Variants in WNT7A observed in about 807,000 individuals in gnomAD.
The protein encoded by WNT7A is Wnt family member 7A, also known as protein Wnt-7a.
Under a neutral mutation model 28.2 loss-of-function variants are expected in WNT7A, and 16 were observed. That is an observed-to-expected ratio of 0.57 (90% CI 0.38 to 0.86). The LOEUF (loss-of-function observed/expected upper bound fraction) is 0.86. WNT7A is among the 40% of genes least tolerant of loss of function. The pLI, the probability that WNT7A is intolerant of heterozygous loss-of-function variation, is 0.00. For synonymous variants in WNT7A, 190 were observed against 195.9 expected, an observed-to-expected ratio of 0.97 and a Z score of 0.25; for missense variants, 411 against 489.7, an observed-to-expected ratio of 0.84 and a Z score of 1.52.
At chr3:13,837,385 C>T (rs944247251) in intron 3 of WNT7A, among the ~76,000 whole-genome samples, 2 of 151,586 alleles carry the variant, frequency 1.3e-5, no homozygotes, top group Non-Finnish European at 2.9e-5. Context: ...CACATCCCCC[C>T]GGCCACCTGA....
rs1694956774 is a variant in WNT7A, at chr3:13,868,638, GA to G, written c.298+6308del. Among the ~76,000 whole-genome samples, 5 of 12,542 alleles carry G rather than the reference GA, an allele frequency of 4.0e-4. 1 individual carries two copies. Among genetic ancestry groups the G allele is most frequent in the African/African-American group, 9.8e-4 (4 of 4,078 alleles). The allele number at this position is 12,542 out of a possible 152,430, so 8.2% of individuals were successfully genotyped here. ...AGAGAGAGAGAAAGAAAGAAAGAGA[GA>G]GGAGAAAGAAAAAAAGGAGGGAGGG... On this transcript the variant is annotated intron_variant, in intron 2 of 3. Coordinates refer to ENST00000285018, the MANE Select transcript of WNT7A (RefSeq NM_004625.4).
intron 3 of WNT7A, among the ~76,000 whole-genome samples, chr3:13,849,435 C>T (rs898274669): frequency 3.3e-5 from 5 of 152,172 alleles, no homozygotes; most frequent in African/African-American, 9.7e-5. Flanking sequence ...CTGTATTATA[C>T]CTTGCAGCCC....
chr3:13,826,386 C>A (rs898648971), intron 3 of WNT7A, among the ~76,000 whole-genome samples: 7 of 152,144 alleles, frequency 4.6e-5, no homozygotes, highest in Non-Finnish European at 5.9e-5. Flanking sequence ...AAGCCTCCCC[C>A]AAGAAGGCCA....
intron 3 of WNT7A, among the ~76,000 whole-genome samples, chr3:13,828,017 T>A (rs950155990): frequency 2.6e-5 from 4 of 152,140 alleles, no homozygotes; most frequent in Non-Finnish European, 5.9e-5. Flanking sequence ...CTTGGTGCCT[T>A]GTTTTCTAGC....
chr3:13,850,964 G>T (rs1694627159), intron 3 of WNT7A, among the ~76,000 whole-genome samples: 2 of 151,994 alleles, frequency 1.3e-5, no homozygotes, highest in African/African-American at 4.8e-5. Context: ...ATTTGCCCAG[G>T]CTGTGGCCCA....
chr3:13,856,981 AAGAAGG>A (rs1412448206), intron 2 of WNT7A, among the ~76,000 whole-genome samples: 4,222 of 75,818 alleles, frequency 0.056, 83 homozygotes, highest in East Asian at 0.1. Flanking sequence ...GAAGAAGAAG[AAGAAGG>A]AGAAGAAGAA....
chr3:13,842,388 C>T (rs890545623), intron 3 of WNT7A, among the ~76,000 whole-genome samples: 83 of 146,454 alleles, frequency 5.7e-4, no homozygotes, highest in African/African-American at 2.0e-3. Context: ...GTAAGGGGAC[C>T]GTTGTGCCAC....
intron 2 of WNT7A, among the ~76,000 whole-genome samples, chr3:13,855,259 T>A (rs1279580556): frequency 1.3e-5 from 2 of 152,214 alleles, no homozygotes; most frequent in Non-Finnish European, 2.9e-5. Context: ...CCCAGGAACA[T>A]CAATCCCTGG....
Position 13,818,787 on chromosome 3 carries a change from T to G in WNT7A, c.*157A>C. 8.5e-7 allele frequency: 1 copy of G among 1,179,994 alleles called. No homozygotes were observed. Among genetic ancestry groups the G allele is most frequent in the Middle Eastern group, 2.9e-4 (1 of 3,432 alleles). The allele number at this position is 1,179,994 out of a possible 1,614,324, so 73.1% of individuals were successfully genotyped here. On this transcript the variant is annotated 3_prime_UTR_variant, in exon 4 of 4. Transcript: ENST00000285018. ...GAATAGTTGAGGGCTCTGAGAGATTTTTTTTCCCCCACGGATGCCTGCAGG... is the reference window on the plus strand; with the variant it reads ...GAATAGTTGAGGGCTCTGAGAGATTGTTTTTCCCCCACGGATGCCTGCAGG...
intron 2 of WNT7A, among the ~76,000 whole-genome samples, chr3:13,856,235 G>A (rs564692110): frequency 3.9e-5 from 6 of 152,318 alleles, no homozygotes; most frequent in African/African-American, 9.6e-5. Flanking sequence ...TCCCAGCTCC[G>A]CCACTGACTG....
intron 3 of WNT7A, among the ~76,000 whole-genome samples, chr3:13,838,365 G>A (rs1223142765): frequency 6.6e-6 from 1 of 152,196 alleles, no homozygotes; most frequent in East Asian, 1.9e-4. Context: ...GACCTGAAAG[G>A]TCCTCTGAAA....
chr3:13,869,473 G>A (rs1193961181), intron 2 of WNT7A, among the ~76,000 whole-genome samples: 3 of 146,674 alleles, frequency 2.0e-5, no homozygotes, highest in Non-Finnish European at 4.5e-5. Context: ...AAGAAAGAAA[G>A]GGAGGAGAGA....
intron 1 of WNT7A, chr3:13,877,179 A>G (rs1024775123): frequency 6.6e-6 from 1 of 152,260 alleles, no homozygotes; most frequent in African/African-American, 2.4e-5. Context: ...CCAAGGCAGT[A>G]TGGTGGGTGC....
At chr3:13,832,568 C>A (rs768884803) in intron 3 of WNT7A, among the ~76,000 whole-genome samples, 1 of 152,158 alleles carries the variant, frequency 6.6e-6, no homozygotes, top group Non-Finnish European at 1.5e-5. Context: ...CTCCCCATGT[C>A]GATCCATCTT....
At chr3:13,855,908 C>T (rs78361816) in intron 2 of WNT7A, among the ~76,000 whole-genome samples, 2,387 of 152,220 alleles carry the variant, frequency 0.016, 72 homozygotes, top group African/African-American at 0.055. Context: ...GCTTAAGCAG[C>T]AAGTGAGGAG....
chr3:13,874,890 A>C, intron 2 of WNT7A, 57 bp downstream of exon 2: 1 of 1,555,370 alleles, frequency 6.4e-7, no homozygotes, highest in Non-Finnish European at 8.8e-7. Context: ...ACCTGAGGGT[A>C]TTCTGGTGTC....
chr3:13,879,848 G>C lies in WNT7A; in HGVS notation c.-32C>G. On this transcript the variant is annotated 5_prime_UTR_variant, in exon 1 of 4. Transcript: ENST00000285018. ...GATTGGCCGCCGGGGCCGCGGGCCG[G>C]GCTGTGCTGATCCCGCGGGCCGGCC... 6.3e-7 allele frequency: 1 copy of C among 1,592,752 alleles called. No individual in the cohort carries two copies. Among genetic ancestry groups the C allele is most frequent in the Admixed American group, 1.7e-5 (1 of 58,522 alleles).
chr3:13,819,295 G>A lies in WNT7A; in HGVS notation c.699C>T (p.Asn233=), dbSNP rs760426340. The A allele has an allele frequency of 1.9e-6, 3 of 1,614,122 alleles. No individual in the cohort carries two copies. Among genetic ancestry groups the A allele is most frequent in the Non-Finnish European group, 2.5e-6 (3 of 1,179,970 alleles). The change falls in exon 4 of 4, where the codon AAC becomes AAT. Residue 233 remains asparagine, a synonymous_variant. Coordinates refer to ENST00000285018, the MANE Select transcript of WNT7A (RefSeq NM_004625.4). ...GCACAGGCTCCACGTGAACGGCCTCGTTGTACTTGTCCTTGAGCACGTAGC... is the reference window on the plus strand; with the variant it reads ...GCACAGGCTCCACGTGAACGGCCTCATTGTACTTGTCCTTGAGCACGTAGC... ...ELGYVLKDKY[N]EAVHVEPVRA...
rs538598411 is a variant in WNT7A at position 13,854,559 on chromosome 3, G to A, written c.543C>T (p.Asn181=). The stretch of plus-strand genomic sequence containing the variant: ...TTCGGCCTGCCTCGTTGTTGTGCAA[G>A]TTCATGAGAGTCCGGGCATTCTGCT... ...EIKQNARTLM[N]LHNNEAGRKI... The change falls in exon 3 of 4, where the codon AAC becomes AAT. Residue 181 remains asparagine (N), a synonymous_variant. Coordinates refer to ENST00000285018, the MANE Select transcript of WNT7A (RefSeq NM_004625.4). 1 of 1,614,180 alleles carries A rather than the reference G, an allele frequency of 6.2e-7. No individual in the cohort carries two copies. The highest frequency in any genetic ancestry group is 1.3e-5 in the African/African-American group (1 of 75,064).
Sources: gnomAD v4.1 joint callset for allele counts (sites outside exome capture counted in the v4.1 genomes callset) on GRCh38, gnomAD v4.1.1 for gene constraint, MANE v1.5 for transcripts, NCBI Gene and HGNC (gene_info 2026-07-23, HGNC 2026-07-21) for gene names.